ADAMTS19: variants seen among roughly 807,000 people sequenced by gnomAD.
ADAMTS19 encodes A disintegrin and metalloproteinase with thrombospondin motifs 19.
In ADAMTS19, 93 loss-of-function variants were observed where a neutral mutation model predicts 153.3. That is an observed-to-expected ratio of 0.61 (90% CI 0.51 to 0.72). The LOEUF is 0.72. Among genes scored for constraint, ADAMTS19 ranks in the 30% least tolerant of loss-of-function variants. The probability of loss-of-function intolerance (pLI) is 0.00; values close to 1 mark genes in which losing one functional copy is unlikely to be tolerated. For missense variants in ADAMTS19, 1,482 were observed against 1,552.1 expected (o/e 0.95, Z 0.76); for synonymous variants, 600 against 556.6 (o/e 1.08, Z -1.10).
chr5:129,601,479 T>C (rs1009015062), intron 8 of ADAMTS19, among the ~76,000 whole-genome samples: 5 of 152,182 alleles, frequency 3.3e-5, no homozygotes, highest in Non-Finnish European at 7.4e-5. Flanking sequence ...TTAATTGTTA[T>C]TAGATTGCTG....
At chr5:129,475,162 A>G (rs1038296808) in intron 2 of ADAMTS19, among the ~76,000 whole-genome samples, 5 of 151,734 alleles carry the variant, frequency 3.3e-5, no homozygotes, top group African/African-American at 1.2e-4. Flanking sequence ...TCAGTGTCTA[A>G]CCCAAAGTCA....
chr5:129,604,733 T>A (rs60545429), intron 8 of ADAMTS19, among the ~76,000 whole-genome samples: 1 of 152,036 alleles, frequency 6.6e-6, no homozygotes, highest in South Asian at 2.1e-4. Flanking sequence ...GGGTTTAGAA[T>A]TTTTTTTGAT....
chr5:129,520,974 C>T (rs1751779910), intron 3 of ADAMTS19, among the ~76,000 whole-genome samples: 1 of 152,012 alleles, frequency 6.6e-6, no homozygotes, highest in African/African-American at 2.4e-5. Context: ...GAGATGGTCA[C>T]TGTAGTGATA....
At chr5:129,625,377 G>T (rs1751982708) in intron 10 of ADAMTS19, among the ~76,000 whole-genome samples, 1 of 152,088 alleles carries the variant, frequency 6.6e-6, no homozygotes, top group African/African-American at 2.4e-5. Context: ...GTGTCAAATG[G>T]TATTTCTAGT....
intron 2 of ADAMTS19, among the ~76,000 whole-genome samples, chr5:129,463,327 T>C (rs1358715659): frequency 7.0e-6 from 1 of 143,680 alleles, no homozygotes; most frequent in African/African-American, 2.9e-5. Context: ...GTTAGAATTA[T>C]AAGTAGGTTT....
At chr5:129,679,674 T>C (rs1754708539) in intron 16 of ADAMTS19, 90 bp from the exon 17 acceptor site, 2 of 1,154,670 alleles carry the variant, frequency 1.7e-6, no homozygotes, top group African/African-American at 3.1e-5. Flanking sequence ...TGTAAATAAA[T>C]GGACTAGTTT....
chr5:129,460,484 TA>T lies in ADAMTS19; in HGVS notation c.91+4del. On this transcript the variant is annotated splice_donor_region_variant and intron_variant, in intron 1 of 22. Coordinates refer to ENST00000274487, the MANE Select transcript of ADAMTS19 (RefSeq NM_133638.6). ...TCCTGTCGAATGGGATCGTTTCAGG[TA>T]AGTTCTTCCGTGACTTTCTCGCTTC... 6.2e-7 allele frequency: 1 copy of T among 1,614,072 alleles called. No homozygotes were observed. Among genetic ancestry groups the T allele is most frequent in the Non-Finnish European group, 8.5e-7 (1 of 1,179,976 alleles).
At chr5:129,520,129 C>T (rs1334590935) in intron 3 of ADAMTS19, among the ~76,000 whole-genome samples, 1 of 152,116 alleles carries the variant, frequency 6.6e-6, no homozygotes, top group Non-Finnish European at 1.5e-5. Flanking sequence ...TTATAGAGAT[C>T]TTTCATTTCT....
intron 3 of ADAMTS19, among the ~76,000 whole-genome samples, chr5:129,510,484 T>C (rs1236101634): frequency 6.6e-6 from 1 of 151,700 alleles, no homozygotes; most frequent in East Asian, 1.9e-4. Flanking sequence ...ATAAGACATA[T>C]CCCTCTTCTC....
rs370699854 is a variant in ADAMTS19, at chr5:129,715,562, T to C, written c.3312+11171T>C. Among the ~76,000 whole-genome samples the C allele has an allele frequency of 9.3e-4, 142 of 152,260 alleles. 2 individuals carry two copies. In the Middle Eastern group the frequency reaches 0.027, roughly 29 times the overall value. The stretch of plus-strand genomic sequence containing the variant: ...GGGAGAAATGGTTGAGTTTGAGAAT[T>C]TTTTATGAGATTAAAATGAAAAGAA... On this transcript the variant is annotated intron_variant, in intron 21 of 22. Transcript: ENST00000274487.
chr5:129,526,335 G>T lies in ADAMTS19; in HGVS notation c.965G>T (p.Arg322Leu), dbSNP rs766949011. 6.3e-7 allele frequency: 1 copy of T among 1,598,492 alleles called. No homozygotes were observed. Among genetic ancestry groups the T allele is most frequent in the African/African-American group, 1.4e-5 (1 of 73,784 alleles). The change falls in exon 4 of 23, where the codon CGA (arginine) becomes CTA (leucine). Residue 322 changes from arginine (R) to leucine (L), a missense_variant. Transcript: ENST00000274487. ...ATAGCAGAAAGTGGAAGAGGGAAACGATATTCATACAAATTACCTCAAGAA... is the reference window on the plus strand; with the variant it reads ...ATAGCAGAAAGTGGAAGAGGGAAACTATATTCATACAAATTACCTCAAGAA... The part of the protein sequence containing the change: ...RKIAESGRGK[R>L]YSYKLPQEYN...
At chr5:129,677,381 C>A (rs1754596606) in intron 16 of ADAMTS19, among the ~76,000 whole-genome samples, 1 of 151,580 alleles carries the variant, frequency 6.6e-6, no homozygotes, top group South Asian at 2.1e-4. Context: ...GATGCTGAGG[C>A]AGGGGGAATT....
At chr5:129,661,996 A>C (rs1472970834) in intron 15 of ADAMTS19, among the ~76,000 whole-genome samples, 2 of 152,204 alleles carry the variant, frequency 1.3e-5, no homozygotes, top group African/African-American at 4.8e-5. Flanking sequence ...TGGGTCAGCT[A>C]AATTACTGAC....
chr5:129,689,991 CA>C (rs1755259452), intron 18 of ADAMTS19, among the ~76,000 whole-genome samples: 1 of 152,132 alleles, frequency 6.6e-6, no homozygotes, highest in Non-Finnish European at 1.5e-5. Context: ...ATTTAGTTTG[CA>C]AATGATTTTG....
intron 6 of ADAMTS19, among the ~76,000 whole-genome samples, chr5:129,535,996 G>T (rs1249288591): frequency 3.9e-5 from 6 of 152,102 alleles, no homozygotes; most frequent in Non-Finnish European, 8.8e-5. Context: ...CAGGACACAG[G>T]CATGGGCAAG....
At chr5:129,568,313 G>A (rs1561575763) in intron 7 of ADAMTS19, among the ~76,000 whole-genome samples, 1 of 152,018 alleles carries the variant, frequency 6.6e-6, no homozygotes, top group Non-Finnish European at 1.5e-5. Context: ...GTCTGTTGGA[G>A]TCCATGATGT....
chr5:129,586,568 AC>A (rs1290022314), intron 7 of ADAMTS19, among the ~76,000 whole-genome samples: 1 of 152,188 alleles, frequency 6.6e-6, no homozygotes, highest in African/African-American at 2.4e-5. Context: ...GAAACCATTC[AC>A]CTTTTCCAAG....
chr5:129,720,717 T>A (rs1010607558), intron 21 of ADAMTS19, among the ~76,000 whole-genome samples: 2 of 151,954 alleles, frequency 1.3e-5, no homozygotes, highest in African/African-American at 2.4e-5. Context: ...GAGTCAGAGG[T>A]CAATGGAAAG....
intron 7 of ADAMTS19, among the ~76,000 whole-genome samples, chr5:129,565,249 C>A (rs1270248658): frequency 1.3e-5 from 2 of 152,018 alleles, no homozygotes; most frequent in Non-Finnish European, 2.9e-5. Flanking sequence ...GATTCTATAC[C>A]ATTTCTCTTA....
Sources: allele counts gnomAD v4.1 joint callset (sites outside exome capture counted in the v4.1 genomes callset), GRCh38; gene constraint gnomAD v4.1.1; transcripts MANE v1.5; gene names NCBI Gene and HGNC (gene_info 2026-07-23, HGNC 2026-07-21).